Variants in BMI1 observed in about 807,000 individuals in gnomAD.
BMI1 encodes the protein polycomb complex protein BMI-1.
Under a neutral mutation model 39.1 loss-of-function variants are expected in BMI1, and 9 were observed. That is an observed-to-expected ratio of 0.23 (90% CI 0.14 to 0.40). The LOEUF (loss-of-function observed/expected upper bound fraction) is 0.40. Among genes scored for constraint, BMI1 ranks in the 10% least tolerant of loss-of-function variants. The pLI, the probability that BMI1 is intolerant of heterozygous loss-of-function variation, is 1.00. For missense variants in BMI1, 252 were observed against 390.8 expected (o/e 0.64, Z 2.99); for synonymous variants, 131 against 127.9 (o/e 1.02, Z -0.16).
chr10:22,327,889 T>C, intron 5 of BMI1, 61 bp from the exon 6 acceptor site: 4 of 1,584,566 alleles, frequency 2.5e-6, no homozygotes, highest in Non-Finnish European at 3.4e-6. Context: ...TCCATCCTCT[T>C]ATATATAAAA....
In BMI1 at chr10:22,329,713, A is replaced by G; in HGVS notation, c.*171A>G. On this transcript the variant is annotated 3_prime_UTR_variant, in exon 10 of 10. Coordinates refer to ENST00000376663, the MANE Select transcript of BMI1 (RefSeq NM_005180.9). ...TGGACTACATGTGATACTCCTATGG[A>G]CGTTAATTGAAAAGAAAGATTGTTG... 1 of 729,582 alleles carries G rather than the reference A, an allele frequency of 1.4e-6. No individual in the cohort carries two copies. The highest frequency in any genetic ancestry group is 2.8e-5 in the East Asian group (1 of 36,030). 45.2% of individuals were successfully genotyped at this position (729,582 alleles called of 1,614,324 possible). A position where few individuals can be genotyped will look rare whatever the true frequency, so the allele number is the denominator to read the frequency against.
At chr10:22,327,091 A>G (rs982699227) in intron 3 of BMI1, 105 bp downstream of exon 3, 17 of 1,247,168 alleles carry the variant, frequency 1.4e-5, no homozygotes, top group African/African-American at 6.0e-5. Flanking sequence ...TCTTGAATAC[A>G]TAACTAATAT....
Position 22,329,623 on chromosome 10 carries a change from TA to T in BMI1, c.*83del, listed in dbSNP as rs1836240756. 7.5e-6 allele frequency: 11 copies of T among 1,471,174 alleles called. No individual in the cohort carries two copies. In the South Asian group the frequency reaches 1.1e-4, roughly 15 times the overall value. The allele number at this position is 1,471,174 out of a possible 1,614,324, so 91.1% of individuals were successfully genotyped here. The stretch of plus-strand genomic sequence containing the variant: ...CATGCCATTACAGCTTTCTAGATGC[TA>T]ATACATGTGACTATCGTCCAATTTG... On this transcript the variant is annotated 3_prime_UTR_variant, in exon 10 of 10. Coordinates refer to ENST00000376663, the MANE Select transcript of BMI1 (RefSeq NM_005180.9).
Position 22,329,474 on chromosome 10 carries a change from C to T in BMI1, c.913C>T (p.Gln305Ter), listed in dbSNP as rs773125077. Reference protein sequence around the residue: ...GTSNSPSGNHQSSFANRPRKS... With the variant: ...GTSNSPSGNH Reference sequence around the variant, plus strand: ...CAGCAACAGCCCCAGCGGTAACCACCAATCTTCTTTTGCCAATAGACCTCG... The same window carrying T: ...CAGCAACAGCCCCAGCGGTAACCACTAATCTTCTTTTGCCAATAGACCTCG... Residue 305 changes from glutamine to a stop codon, truncating the protein, a stop_gained, in exon 10 of 10, where the codon CAA becomes TAA. Transcript: ENST00000376663. LOFTEE classifies it high-confidence loss of function. The T allele has an allele frequency of 6.2e-7, 1 of 1,614,182 alleles. No homozygotes were observed.
intron 1 of BMI1, among the ~76,000 whole-genome samples, chr10:22,321,911 G>GCGCCCGCCGC (rs937804729): frequency 5.6e-5 from 8 of 144,124 alleles, no homozygotes; most frequent in South Asian, 4.3e-4. Flanking sequence ...CCGCGAGCGC[G>GCGCCCGCCGC]CGCCCGCCGC....
At chr10:22,326,821 G>C in intron 2 of BMI1, 69 bp from the exon 3 acceptor site, 2 of 1,566,598 alleles carry the variant, frequency 1.3e-6, no homozygotes, top group Non-Finnish European at 1.7e-6. Flanking sequence ...ACTAGTTCTG[G>C]GTTTCTAACA....
intron 5 of BMI1, 75 bp from the exon 6 acceptor site, chr10:22,327,875 C>T: frequency 1.3e-6 from 2 of 1,591,420 alleles, no homozygotes; most frequent in South Asian, 1.2e-5. Context: ...TTGACTTTAC[C>T]ACTTCCATCC....
In BMI1 at chr10:22,330,198, T is replaced by A. The variant is rs1240458630; in HGVS notation, c.*656T>A. On this transcript the variant is annotated 3_prime_UTR_variant, in exon 10 of 10. Transcript: ENST00000376663. ...GACTTGTTTAAATGATTCGCTTTTG[T>A]AAGAATCAGATGGCATTATGCTTGT... 6.5e-6 allele frequency: 1 copy of A among 152,920 alleles called. No homozygotes were observed. Among genetic ancestry groups the A allele is most frequent in the Non-Finnish European group, 1.5e-5 (1 of 68,224 alleles). 9.5% of individuals were successfully genotyped at this position (152,920 alleles called of 1,614,324 possible). A position where few individuals can be genotyped will look rare whatever the true frequency, so the allele number is the denominator to read the frequency against.
intron 5 of BMI1, 35 bp downstream of exon 5, chr10:22,327,827 G>C: frequency 6.2e-7 from 1 of 1,612,346 alleles, no homozygotes; most frequent in Non-Finnish European, 8.5e-7. Context: ...CATTTTATAT[G>C]GGGGGAGAGC....
Position 22,330,691 on chromosome 10 carries a change from A to C in BMI1, c.*1149A>C, listed in dbSNP as rs1442602030. The C allele has an allele frequency of 6.6e-6, 1 of 152,374 alleles. No homozygotes were observed. The highest frequency in any genetic ancestry group is 1.5e-5 in the Non-Finnish European group (1 of 68,010). The allele number at this position is 152,374 out of a possible 1,614,324, so 9.4% of individuals were successfully genotyped here. ...AAGGCATTTTATCTAAAGTTATTTT[A>C]ATAGGTGGTATAGCAGTAATTTTAA... On this transcript the variant is annotated 3_prime_UTR_variant, in exon 10 of 10. Transcript: ENST00000376663.
chr10:22,325,622 C>T (rs1363133810), intron 1 of BMI1: 1 of 145,698 alleles, frequency 6.9e-6, no homozygotes, highest in South Asian at 2.1e-4. Flanking sequence ...CGCGCCGCCC[C>T]TCCCCCGCCC....
Position 22,330,687 on chromosome 10 carries a change from T to C in BMI1, c.*1145T>C, listed in dbSNP as rs1233248837. 6.6e-6 allele frequency: 1 copy of C among 152,360 alleles called. No individual in the cohort carries two copies. The highest frequency in any genetic ancestry group is 2.4e-5 in the African/African-American group (1 of 41,470). 9.4% of individuals were successfully genotyped at this position (152,360 alleles called of 1,614,324 possible). On this transcript the variant is annotated 3_prime_UTR_variant, in exon 10 of 10. Coordinates refer to ENST00000376663, the MANE Select transcript of BMI1 (RefSeq NM_005180.9). Reference sequence around the variant, plus strand: ...AAAGAAGGCATTTTATCTAAAGTTATTTTAATAGGTGGTATAGCAGTAATT... The same window carrying C: ...AAAGAAGGCATTTTATCTAAAGTTACTTTAATAGGTGGTATAGCAGTAATT...
chr10:22,323,242 C>T (rs550450866), intron 1 of BMI1, among the ~76,000 whole-genome samples: 1 of 152,174 alleles, frequency 6.6e-6, no homozygotes, highest in Non-Finnish European at 1.5e-5. Context: ...TCAGAAATCC[C>T]TGGGATTGAT....
In BMI1 at chr10:22,329,688, T is replaced by C. The variant is rs1836242096; in HGVS notation, c.*146T>C. 2 of 915,458 alleles carry C rather than the reference T, an allele frequency of 2.2e-6. No homozygotes were observed. The highest frequency in any genetic ancestry group is 5.8e-5 in the Admixed American group (2 of 34,550). The allele number at this position is 915,458 out of a possible 1,614,324, so 56.7% of individuals were successfully genotyped here. ...TGACATTAAATTTGGCTATAAAAGATGGACTACATGTGATACTCCTATGGA... is the reference window on the plus strand; with the variant it reads ...TGACATTAAATTTGGCTATAAAAGACGGACTACATGTGATACTCCTATGGA... On this transcript the variant is annotated 3_prime_UTR_variant, in exon 10 of 10. Transcript: ENST00000376663.
chr10:22,328,125 C>T lies in BMI1; in HGVS notation c.426-9C>T, dbSNP rs189641990. 2 of 1,597,144 alleles carry T rather than the reference C, an allele frequency of 1.3e-6. No homozygotes were observed. Among genetic ancestry groups the T allele is most frequent in the African/African-American group, 2.7e-5 (2 of 73,884 alleles). ...AGATTGTTTCACTAATAAATTTTCT[C>T]TTTATTAGATTGGATCGGAAAGTAA... is the stretch of plus-strand genomic sequence containing the variant. On this transcript the variant is annotated splice_polypyrimidine_tract_variant and intron_variant, in intron 6 of 9. Coordinates refer to ENST00000376663, the MANE Select transcript of BMI1 (RefSeq NM_005180.9).
intron 5 of BMI1, 50 bp downstream of exon 5, chr10:22,327,842 C>T: frequency 1.2e-6 from 2 of 1,608,874 alleles, no homozygotes; most frequent in Non-Finnish European, 1.7e-6. Context: ...GAGAGCTTAT[C>T]TAGGAATTAA....
At chr10:22,328,723 C>A (rs766778324) in intron 8 of BMI1, 25 bp downstream of exon 8, 1 of 1,533,406 alleles carries the variant, frequency 6.5e-7, no homozygotes, top group Non-Finnish European at 8.7e-7. Context: ...ATTCTTCTTG[C>A]ATTTTACATA....
At chr10:22,327,490 C>T (rs1488564517) in intron 3 of BMI1, 105 bp from the exon 4 acceptor site, 2 of 1,190,372 alleles carry the variant, frequency 1.7e-6, no homozygotes, top group East Asian at 2.4e-5. Context: ...GACAGCATCA[C>T]AATCAAGTAA....
At position 22,328,115 on chromosome 10, in the gene BMI1, T is replaced by C; in HGVS notation, c.426-19T>C. 2 of 1,596,344 alleles carry C rather than the reference T, an allele frequency of 1.3e-6. No homozygotes were observed. The highest frequency in any genetic ancestry group is 1.7e-6 in the Non-Finnish European group (2 of 1,175,084). On this transcript the variant is annotated intron_variant, in intron 6 of 9. Transcript: ENST00000376663. ...ATGTTTTATTAGATTGTTTCACTAA[T>C]AAATTTTCTCTTTATTAGATTGGAT...
Sources: allele counts gnomAD v4.1 joint callset (sites outside exome capture counted in the v4.1 genomes callset), GRCh38; gene constraint gnomAD v4.1.1; transcripts MANE v1.5; gene names NCBI Gene and HGNC (gene_info 2026-07-23, HGNC 2026-07-21).